Variants in AKAP19 observed in about 807,000 individuals in gnomAD.
The protein encoded by AKAP19 is small A-kinase anchoring protein.
the AKAP19 span, among the ~76,000 whole-genome samples, chr2:190,014,484 C>A: frequency 6.6e-6 from 1 of 152,288 alleles, no homozygotes; most frequent in South Asian, 2.1e-4. Flanking sequence ...CCCACCATGT[C>A]CCTCCCTCAA....
chr2:189,949,863 C>T, the AKAP19 span, among the ~76,000 whole-genome samples: 1 of 151,116 alleles, frequency 6.6e-6, no homozygotes, highest in Admixed American at 6.6e-5. Flanking sequence ...ATCTCTTGAC[C>T]TCGTGATCTA....
At chr2:190,187,709 G>A in the AKAP19 span, among the ~76,000 whole-genome samples, 6 of 152,118 alleles carry the variant, frequency 3.9e-5, no homozygotes, top group East Asian at 5.8e-4. Context: ...AAAAAATAAC[G>A]TGGGCATGGT....
chr2:190,011,326 G>T, the AKAP19 span, among the ~76,000 whole-genome samples: 1 of 152,118 alleles, frequency 6.6e-6, no homozygotes, highest in African/African-American at 2.4e-5. Flanking sequence ...CTCCCAAAGG[G>T]CTGGGATTAC....
the AKAP19 span, among the ~76,000 whole-genome samples, chr2:189,881,097 A>G: frequency 6.6e-6 from 1 of 152,212 alleles, no homozygotes; most frequent in Non-Finnish European, 1.5e-5. Flanking sequence ...GTAAACAAAG[A>G]TAAGTACTGA....
At chr2:190,026,023 G>A in the AKAP19 span, among the ~76,000 whole-genome samples, 24 of 152,096 alleles carry the variant, frequency 1.6e-4, no homozygotes, top group South Asian at 2.9e-3. Context: ...GAAATTCCTC[G>A]TTAAACTGCT....
the AKAP19 span, among the ~76,000 whole-genome samples, chr2:189,930,105 A>G: frequency 1.3e-5 from 2 of 152,158 alleles, no homozygotes; most frequent in Admixed American, 6.5e-5. Context: ...AAGTTTTGAA[A>G]TATCATGTAC....
At chr2:190,109,876 A>G in the AKAP19 span, among the ~76,000 whole-genome samples, 603 of 152,314 alleles carry the variant, frequency 4.0e-3, 7 homozygotes, top group African/African-American at 0.014. Flanking sequence ...CCATGGTGCT[A>G]CTATTAGGTG....
At chr2:189,956,182 T>TTTTTTTC in the AKAP19 span, among the ~76,000 whole-genome samples, 1 of 139,910 alleles carries the variant, frequency 7.1e-6, no homozygotes, top group South Asian at 2.4e-4. Flanking sequence ...TTTTTCTTTT[T>TTTTTTTC]TTTTTGAGAC....
At chr2:190,040,609 A>G in the AKAP19 span, among the ~76,000 whole-genome samples, 2 of 152,242 alleles carry the variant, frequency 1.3e-5, no homozygotes, top group South Asian at 4.1e-4. Flanking sequence ...TCTTATGTCC[A>G]GGATGGTATT....
At chr2:189,958,841 T>C in the AKAP19 span, among the ~76,000 whole-genome samples, 1 of 152,022 alleles carries the variant, frequency 6.6e-6, no homozygotes, top group Non-Finnish European at 1.5e-5. Flanking sequence ...TTGAACAAAA[T>C]AAAAGTAAAT....
the AKAP19 span, among the ~76,000 whole-genome samples, chr2:190,070,323 T>C: frequency 5.3e-5 from 8 of 152,086 alleles, no homozygotes; most frequent in Non-Finnish European, 1.2e-4. Context: ...TATATCTATA[T>C]TCTTGAAATT....
At chr2:190,096,970 T>G in the AKAP19 span, among the ~76,000 whole-genome samples, 2 of 152,206 alleles carry the variant, frequency 1.3e-5, no homozygotes, top group African/African-American at 4.8e-5. Flanking sequence ...CTCTTGATAC[T>G]GTTACACTGG....
the AKAP19 span, among the ~76,000 whole-genome samples, chr2:190,014,740 G>T: frequency 1.3e-5 from 2 of 151,982 alleles, no homozygotes; most frequent in Admixed American, 1.3e-4. Flanking sequence ...GAGCTCAAGT[G>T]ATTCTCTAGT....
chr2:190,051,938 C>T, the AKAP19 span, among the ~76,000 whole-genome samples: 13 of 151,788 alleles, frequency 8.6e-5, no homozygotes, highest in African/African-American at 1.7e-4. Flanking sequence ...CCCGGGTTCA[C>T]GCCATTCTCC....
chr2:190,068,305 G>A, the AKAP19 span, among the ~76,000 whole-genome samples: 1 of 152,166 alleles, frequency 6.6e-6, no homozygotes, highest in Admixed American at 6.5e-5. Flanking sequence ...CTAGTACCTG[G>A]CACATAGTTA....
At chr2:190,076,746 T>C in the AKAP19 span, among the ~76,000 whole-genome samples, 1 of 152,206 alleles carries the variant, frequency 6.6e-6, no homozygotes, top group African/African-American at 2.4e-5. Flanking sequence ...TGATATGACT[T>C]GATGTGATTT....
At chr2:190,158,089 T>G in the AKAP19 span, among the ~76,000 whole-genome samples, 1 of 152,222 alleles carries the variant, frequency 6.6e-6, no homozygotes, top group East Asian at 1.9e-4. Flanking sequence ...GTTCTGTTTC[T>G]CTATGACCAC....
At chr2:189,961,776 G>A in the AKAP19 span, among the ~76,000 whole-genome samples, 13 of 152,120 alleles carry the variant, frequency 8.5e-5, no homozygotes, top group South Asian at 2.5e-3. Context: ...GCCAGGCATG[G>A]TGGAGCACAC....
chr2:189,922,992 A>C, the AKAP19 span, among the ~76,000 whole-genome samples: 3 of 152,100 alleles, frequency 2.0e-5, no homozygotes, highest in Non-Finnish European at 4.4e-5. Flanking sequence ...TCTACTAAAA[A>C]TACAAAAAAT....
Sources: allele counts gnomAD v4.1 joint callset (sites outside exome capture counted in the v4.1 genomes callset), GRCh38; gene constraint gnomAD v4.1.1; transcripts MANE v1.5; gene names NCBI Gene and HGNC (gene_info 2026-07-23, HGNC 2026-07-21).